CWC27: variants seen among roughly 807,000 people sequenced by gnomAD.
CWC27 encodes CWC27 spliceosome associated cyclophilin, also known as spliceosome-associated protein CWC27 homolog.
A neutral mutation model predicts 63.6 loss-of-function variants in CWC27; 47 were observed. The observed-to-expected ratio is 0.74, with a 90% CI of 0.58 to 0.94. CWC27 has a LOEUF of 0.94. Among genes scored for constraint, CWC27 ranks in the 40% least tolerant of loss-of-function variants. The probability of loss-of-function intolerance (pLI) is 0.00; values close to 1 mark genes in which losing one functional copy is unlikely to be tolerated. For synonymous variants in CWC27, 175 were observed against 179.8 expected (o/e 0.97, Z 0.22); for missense variants, 495 against 554.3 (o/e 0.89, Z 1.07).
Position 64,813,179 on chromosome 5 carries a change from G to C in CWC27, c.938+8793G>C, listed in dbSNP as rs550626037. Among the ~76,000 whole-genome samples, 4 of 152,242 alleles carry C rather than the reference G, an allele frequency of 2.6e-5. No homozygotes were observed. In the East Asian group the frequency reaches 7.7e-4, roughly 29 times the overall value. ...CAGTTATGGTTAAAATTTTGGAATA[G>C]TATTAATTGTAATAGAAACCATACT... On this transcript the variant is annotated intron_variant, in intron 10 of 13. Transcript: ENST00000381070.
intron 10 of CWC27, chr5:64,844,876 T>C (rs758340683): frequency 1.3e-5 from 6 of 456,560 alleles, no homozygotes; most frequent in Admixed American, 2.3e-5. Context: ...TAATCCTCAA[T>C]TGTGCATTTC....
intron 11 of CWC27, among the ~76,000 whole-genome samples, chr5:64,892,955 A>C (rs1747276888): frequency 6.6e-6 from 1 of 152,234 alleles, no homozygotes; most frequent in South Asian, 2.1e-4. Flanking sequence ...AAAATTCTGC[A>C]AGGAAAGATT....
chr5:64,856,766 T>C (rs979484991), intron 10 of CWC27, among the ~76,000 whole-genome samples: 1 of 152,126 alleles, frequency 6.6e-6, no homozygotes, highest in African/African-American at 2.4e-5. Flanking sequence ...GCAGTAGAAA[T>C]TGACTAACTT....
intron 11 of CWC27, among the ~76,000 whole-genome samples, chr5:64,918,604 G>A (rs1300311641): frequency 6.6e-6 from 1 of 152,086 alleles, no homozygotes; most frequent in Non-Finnish European, 1.5e-5. Flanking sequence ...TTTAGCAGAT[G>A]ATGCTTAAAT....
At chr5:64,852,008 T>G (rs537207049) in intron 10 of CWC27, among the ~76,000 whole-genome samples, 2 of 152,326 alleles carry the variant, frequency 1.3e-5, no homozygotes, top group East Asian at 3.9e-4. Context: ...AACAACTATT[T>G]CAGTGTATGA....
At chr5:64,823,781 C>T (rs1745281230) in intron 10 of CWC27, among the ~76,000 whole-genome samples, 1 of 152,172 alleles carries the variant, frequency 6.6e-6, no homozygotes, top group African/African-American at 2.4e-5. Context: ...TGCTGCCAAC[C>T]AGCCGGAACT....
At chr5:65,013,043 A>T (rs1204934852) in intron 13 of CWC27, among the ~76,000 whole-genome samples, 2 of 152,180 alleles carry the variant, frequency 1.3e-5, no homozygotes, top group African/African-American at 4.8e-5. Flanking sequence ...TGCTTTGAGA[A>T]ACATTGCTTT....
intron 12 of CWC27, among the ~76,000 whole-genome samples, chr5:64,973,102 A>G (rs984977101): frequency 6.6e-6 from 1 of 152,238 alleles, no homozygotes; most frequent in Non-Finnish European, 1.5e-5. Flanking sequence ...AAAAGTCTTC[A>G]ACCTCTTTGC....
chr5:64,892,033 G>T (rs2112352514), intron 11 of CWC27, among the ~76,000 whole-genome samples: 1 of 152,242 alleles, frequency 6.6e-6, no homozygotes, highest in East Asian at 1.9e-4. Flanking sequence ...GACCTTAGGT[G>T]ATCCGGCTGC....
chr5:64,835,994 A>C (rs1334544926), intron 10 of CWC27, among the ~76,000 whole-genome samples: 1 of 151,890 alleles, frequency 6.6e-6, no homozygotes, highest in Non-Finnish European at 1.5e-5. Context: ...ACATTAAATT[A>C]CCTAACCCAA....
chr5:64,785,375 C>T lies in CWC27; in HGVS notation c.397-106C>T. ...AAATGCATATATTTTTATGTAATCA[C>T]ATGAAATTTTCTTTTAATTATTTGA... is the stretch of plus-strand genomic sequence containing the variant. On this transcript the variant is annotated intron_variant, in intron 4 of 13. Transcript: ENST00000381070. The T allele has an allele frequency of 7.9e-6, 4 of 508,098 alleles. No homozygotes were observed. The East Asian group carries it at 1.3e-4, about 17-fold the overall frequency. The allele number at this position is 508,098 out of a possible 1,614,324, so 31.5% of individuals were successfully genotyped here.
rs374437894 is a variant in CWC27 at position 64,876,072 on chromosome 5, A to T, written c.939-9371A>T. ...AGTAATAGGTAGAACAGAGCTTCGA[A>T]CACAGAGTGGAGTTTTATTGACTAA... On this transcript the variant is annotated intron_variant, in intron 10 of 13. Transcript: ENST00000381070. 2.4e-4 allele frequency among the ~76,000 whole-genome samples: 36 copies of T among 152,090 alleles called. 1 individual carries two copies. In the East Asian group the frequency reaches 3.7e-3, roughly 15 times the overall value.
At chr5:64,978,904 C>T (rs1016732664) in intron 13 of CWC27, among the ~76,000 whole-genome samples, 5 of 151,974 alleles carry the variant, frequency 3.3e-5, no homozygotes, top group Admixed American at 1.3e-4. Context: ...AATTCAAACC[C>T]CAGAAGTTTT....
At position 64,840,390 on chromosome 5, in the gene CWC27, A is replaced by C. The variant is rs34064096; in HGVS notation, c.938+36004A>C. Among the ~76,000 whole-genome samples the C allele has an allele frequency of 3.9e-3, 117 of 29,838 alleles. 5 individuals carry two copies. The highest frequency in any genetic ancestry group is 6.0e-3 in the Non-Finnish European group (94 of 15,660). The allele number at this position is 29,838 out of a possible 152,430, so 19.6% of individuals were successfully genotyped here. ...AAAAAAAAAAAAAAAAAAAAAAAAA[A>C]AAAAATATATATATATATATATATA... On this transcript the variant is annotated intron_variant, in intron 10 of 13. Transcript: ENST00000381070.
intron 11 of CWC27, among the ~76,000 whole-genome samples, chr5:64,897,869 C>T (rs1336003781): frequency 6.6e-6 from 1 of 152,058 alleles, no homozygotes; most frequent in Non-Finnish European, 1.5e-5. Context: ...CTTGCATAGA[C>T]CTAATAACAT....
At chr5:64,916,211 T>C (rs899967118) in intron 11 of CWC27, among the ~76,000 whole-genome samples, 1 of 152,242 alleles carries the variant, frequency 6.6e-6, no homozygotes, top group Non-Finnish European at 1.5e-5. Context: ...TTCCAAAATT[T>C]TGCAAAAGAA....
At position 64,911,932 on chromosome 5, in the gene CWC27, A is replaced by G. The variant is rs1747794436; in HGVS notation, c.1042+26386A>G. Reference sequence around the variant, plus strand: ...TACTAAAAATACAAAAAATTAGCCAACCGTGATGGCGGGCACCTGCAGTCC... The same window carrying G: ...TACTAAAAATACAAAAAATTAGCCAGCCGTGATGGCGGGCACCTGCAGTCC... On this transcript the variant is annotated intron_variant, in intron 11 of 13. Coordinates refer to ENST00000381070, the MANE Select transcript of CWC27 (RefSeq NM_005869.4). Among the ~76,000 whole-genome samples the G allele has an allele frequency of 2.0e-5, 3 of 151,832 alleles. No homozygotes were observed. The South Asian group carries it at 6.2e-4, about 32-fold the overall frequency.
At chr5:65,017,544 T>C (rs1044010274) in intron 13 of CWC27, among the ~76,000 whole-genome samples, 5 of 152,202 alleles carry the variant, frequency 3.3e-5, no homozygotes, top group Non-Finnish European at 5.9e-5. Context: ...GCAGGATTCG[T>C]TAGATTCGTT....
At chr5:64,970,702 C>A in intron 11 of CWC27, among the ~76,000 whole-genome samples, 1 of 152,042 alleles carries the variant, frequency 6.6e-6, no homozygotes, top group East Asian at 1.9e-4. Context: ...ACTCTCCTTC[C>A]AAGTTCTACC....
Sources: gnomAD v4.1 joint callset for allele counts (sites outside exome capture counted in the v4.1 genomes callset) on GRCh38, gnomAD v4.1.1 for gene constraint, MANE v1.5 for transcripts, NCBI Gene and HGNC (gene_info 2026-07-23, HGNC 2026-07-21) for gene names.